PCDHGA10: variants seen among roughly 807,000 people sequenced by gnomAD.
PCDHGA10 encodes protocadherin gamma-A10.
Under a neutral mutation model 59.5 loss-of-function variants are expected in PCDHGA10, and 42 were observed. The ratio of observed to expected loss-of-function variants is 0.71; its 90% CI spans 0.55 to 0.91. The LOEUF (loss-of-function observed/expected upper bound fraction) is 0.91. Ranked by LOEUF, PCDHGA10 falls within the 40% of genes least tolerant of loss-of-function variation. The pLI is 0.00. For synonymous variants in PCDHGA10, 511 were observed against 517.2 expected (o/e 0.99, Z 0.16); for missense variants, 1,111 against 1,198.2 (o/e 0.93, Z 1.07).
intron 1 of PCDHGA10, among the ~76,000 whole-genome samples, chr5:141,450,082 C>T (rs2098668421): frequency 6.8e-6 from 1 of 147,384 alleles, no homozygotes. Context: ...TCTTGGCTCA[C>T]TGCAACCTCC....
At chr5:141,442,473 C>T (rs1435437337) in intron 1 of PCDHGA10, 1 of 152,240 alleles carries the variant, frequency 6.6e-6, no homozygotes, top group Non-Finnish European at 1.5e-5. Flanking sequence ...CAGAAAGCCC[C>T]TTGGGGAAGG....
chr5:141,414,222 A>G lies in PCDHGA10; in HGVS notation c.1047A>G (p.Pro349=), dbSNP rs1038407271. 3.7e-6 allele frequency: 6 copies of G among 1,613,316 alleles called. No individual in the cohort carries two copies. The African/African-American group carries it at 5.3e-5, about 14-fold the overall frequency. The change falls in exon 1 of 4, where the codon CCA becomes CCG. Residue 349 remains proline, a synonymous_variant. Coordinates refer to ENST00000398610, the MANE Select transcript of PCDHGA10 (RefSeq NM_018913.3). ...ITVEDVNDNS[P]ELTITSLFSP... is the part of the protein sequence containing the mutation. ...TAGAAGATGTAAATGACAACAGTCC[A>G]GAGCTGACCATCACGTCTCTATTTA...
intron 1 of PCDHGA10, chr5:141,428,212 C>A (rs1295973505): frequency 8.0e-7 from 1 of 1,255,000 alleles, no homozygotes; most frequent in Non-Finnish European, 1.1e-6. Context: ...TACGCTTCAC[C>A]TAGTCTTCGC....
At chr5:141,478,247 G>C (rs1377698933) in intron 1 of PCDHGA10, 1 of 1,613,956 alleles carries the variant, frequency 6.2e-7, no homozygotes, top group Non-Finnish European at 8.5e-7. Context: ...CACAGTGTTC[G>C]GAGTAATCAT....
chr5:141,508,171 A>G (rs1364776681), intron 3 of PCDHGA10: 2 of 152,406 alleles, frequency 1.3e-5, no homozygotes, highest in African/African-American at 4.8e-5. Context: ...AGGCTGGCAC[A>G]GGAGAGAAGG....
At chr5:141,466,754 C>T (rs1045917268) in intron 1 of PCDHGA10, among the ~76,000 whole-genome samples, 1 of 152,138 alleles carries the variant, frequency 6.6e-6, no homozygotes, top group African/African-American at 2.4e-5. Context: ...GATAGGGGCT[C>T]TTTTCAAACT....
intron 1 of PCDHGA10, among the ~76,000 whole-genome samples, chr5:141,453,360 C>T (rs966238012): frequency 6.6e-6 from 1 of 152,000 alleles, no homozygotes; most frequent in Non-Finnish European, 1.5e-5. Context: ...CCCTGAACTC[C>T]TGGGGTCAAG....
intron 1 of PCDHGA10, among the ~76,000 whole-genome samples, chr5:141,448,086 TAA>T (rs558292628): frequency 6.8e-6 from 1 of 146,354 alleles, no homozygotes; most frequent in Middle Eastern, 3.2e-3. Flanking sequence ...AATGCCATCT[TAA>T]AAAAAAAAAA....
Position 141,432,059 on chromosome 5 carries a change from A to T in PCDHGA10, c.2436+16448A>T. On this transcript the variant is annotated intron_variant, in intron 1 of 3. Transcript: ENST00000398610. This position sits in a 1 kb window ranked among gnomAD's most constrained non-coding sequence, Gnocchi z 6.0. ...TGACCGGGGAACCCCGCCCCTATCC[A>T]CGGAAACTCATATCTCGCTGAACGT... The T allele has an allele frequency of 6.2e-7, 1 of 1,614,170 alleles. No homozygotes were observed. Among genetic ancestry groups the T allele is most frequent in the Non-Finnish European group, 8.5e-7 (1 of 1,180,030 alleles).
intron 3 of PCDHGA10, among the ~76,000 whole-genome samples, chr5:141,506,454 A>G (rs2099853946): frequency 6.6e-6 from 1 of 151,844 alleles, no homozygotes; most frequent in African/African-American, 2.4e-5. Context: ...CAAAAAAAAA[A>G]AAAAAAAAAA....
At position 141,512,116 on chromosome 5, in the gene PCDHGA10, T is replaced by TTA. The variant is rs2099884085; in HGVS notation, c.*943_*944insTA. On this transcript the variant is annotated 3_prime_UTR_variant, in exon 4 of 4. Coordinates refer to ENST00000398610, the MANE Select transcript of PCDHGA10 (RefSeq NM_018913.3). ...ACTAGGCTGGACCCTTCCCACTACA[T>TTA]AATAGGGCTCAGCCCAGGCAGCCAG... 1 of 152,600 alleles carries TTA rather than the reference T, an allele frequency of 6.6e-6. No homozygotes were observed. The highest frequency in any genetic ancestry group is 2.1e-4 in the South Asian group (1 of 4,832). 9.5% of individuals were successfully genotyped at this position (152,600 alleles called of 1,614,324 possible).
chr5:141,491,434 A>T lies in PCDHGA10; in HGVS notation c.2437-3373A>T. 6.2e-7 allele frequency: 1 copy of T among 1,614,032 alleles called. No homozygotes were observed. Among genetic ancestry groups the T allele is most frequent in the Non-Finnish European group, 8.5e-7 (1 of 1,179,988 alleles). On this transcript the variant is annotated intron_variant, in intron 1 of 3. Transcript: ENST00000398610. The surrounding 1 kb of genome is among the most constrained non-coding windows in gnomAD (Gnocchi z 6.9). ...GGACGGGGGTGGAGGGCAGTGCTGC[A>T]GGCGCCAGGACTCACCCTCCCCGGA...
At chr5:141,458,437 C>T (rs777855535) in intron 1 of PCDHGA10, among the ~76,000 whole-genome samples, 1 of 152,026 alleles carries the variant, frequency 6.6e-6, no homozygotes, top group Non-Finnish European at 1.5e-5. Flanking sequence ...AGAGGAGGTC[C>T]CCCACATTAA....
At chr5:141,428,021 C>A (rs1185050109) in intron 1 of PCDHGA10, 2 of 1,605,604 alleles carry the variant, frequency 1.2e-6, no homozygotes, top group Non-Finnish European at 1.7e-6. Flanking sequence ...TGCCACGCGC[C>A]GCAGAGTCCG....
chr5:141,451,739 G>A (rs1343538104), intron 1 of PCDHGA10, among the ~76,000 whole-genome samples: 1 of 152,082 alleles, frequency 6.6e-6, no homozygotes, highest in East Asian at 1.9e-4. Flanking sequence ...AAAATTAGCT[G>A]GTCTGGTGGT....
At chr5:141,496,602 C>A (rs981108050) in intron 2 of PCDHGA10, among the ~76,000 whole-genome samples, 5 of 152,150 alleles carry the variant, frequency 3.3e-5, no homozygotes, top group Admixed American at 1.3e-4. Flanking sequence ...TCTTAGAAGG[C>A]CCCTAAAAAG....
Position 141,489,575 on chromosome 5 carries a change from AC to A in PCDHGA10, c.2437-5227del. On this transcript the variant is annotated intron_variant, in intron 1 of 3. Coordinates refer to ENST00000398610, the MANE Select transcript of PCDHGA10 (RefSeq NM_018913.3). This position sits in a 1 kb window ranked among gnomAD's most constrained non-coding sequence, Gnocchi z 4.5. ...CTGCCAGTGCAGGTGGTGACTGAAC[AC>A]CCCCTGGAGCTAATCCGTGTAGAGG... 1 of 1,613,788 alleles carries A rather than the reference AC, an allele frequency of 6.2e-7. No individual in the cohort carries two copies. Among genetic ancestry groups the A allele is most frequent in the Middle Eastern group, 1.6e-4 (1 of 6,062 alleles).
In PCDHGA10 at chr5:141,485,126, G is replaced by C; in HGVS notation, c.2437-9681G>C. ...TGCTGTGGCTGTTTGGGGCGGGTCG[G>C]CTTCATCCGCGTCTCAGGAGCAAGT... On this transcript the variant is annotated intron_variant, in intron 1 of 3. Transcript: ENST00000398610. The surrounding 1 kb of genome is among the most constrained non-coding windows in gnomAD (Gnocchi z 5.7). 1.4e-6 allele frequency: 2 copies of C among 1,432,378 alleles called. No homozygotes were observed. The highest frequency in any genetic ancestry group is 2.4e-5 in the South Asian group (2 of 81,724). 88.7% of individuals were successfully genotyped at this position (1,432,378 alleles called of 1,614,324 possible). A position where few individuals can be genotyped will look rare whatever the true frequency, so the allele number is the denominator to read the frequency against.
intron 1 of PCDHGA10, chr5:141,430,515 G>A (rs1016446331): frequency 2.1e-5 from 7 of 340,180 alleles, no homozygotes; most frequent in Admixed American, 1.8e-4. Flanking sequence ...TCAAGATTGT[G>A]CAGTAATTGG....
Sources: gnomAD v4.1 joint callset for allele counts (sites outside exome capture counted in the v4.1 genomes callset) on GRCh38, gnomAD v4.1.1 for gene constraint, Gnocchi (gnomAD v3.1) non-coding constraint, MANE v1.5 for transcripts, NCBI Gene and HGNC (gene_info 2026-07-23, HGNC 2026-07-21) for gene names.